The following OSBPL3 variants were observed in gnomAD, a reference collection of about 807,000 sequenced individuals.
The protein encoded by OSBPL3 is oxysterol-binding protein-related protein 3.
A neutral mutation model predicts 120.1 loss-of-function variants in OSBPL3; 65 were observed. The ratio of observed to expected loss-of-function variants is 0.54; its 90% CI spans 0.44 to 0.67. OSBPL3 has a LOEUF of 0.67. Among genes scored for constraint, OSBPL3 ranks in the 30% least tolerant of loss-of-function variants. The pLI, the probability that OSBPL3 is intolerant of heterozygous loss-of-function variation, is 0.00. For synonymous variants in OSBPL3, 416 were observed against 402.6 expected (o/e 1.03, Z -0.40); for missense variants, 1,004 against 1,082.1 (o/e 0.93, Z 1.01).
Position 24,804,467 on chromosome 7 carries a change from G to A in OSBPL3, c.2445-30C>T, listed in dbSNP as rs759660080. On this transcript the variant is annotated intron_variant, in intron 21 of 22. Coordinates refer to ENST00000313367, the MANE Select transcript of OSBPL3 (RefSeq NM_015550.4). This position sits in a 1 kb window ranked among gnomAD's most constrained non-coding sequence, Gnocchi z 5.4. ...GGCATCGAGGAAAAAAAAATGAAAG[G>A]ATATGAATTCAAGAAAACAAAACAA... 2.5e-6 allele frequency: 4 copies of A among 1,603,038 alleles called. No homozygotes were observed. The highest frequency in any genetic ancestry group is 3.4e-5 in the Admixed American group (2 of 59,146).
In OSBPL3 at chr7:24,916,198, G is replaced by A. The variant is rs1809530619; in HGVS notation, c.-149-23577C>T. On this transcript the variant is annotated intron_variant, in intron 1 of 22. Coordinates refer to ENST00000313367, the MANE Select transcript of OSBPL3 (RefSeq NM_015550.4). The surrounding 1 kb of genome is among the most constrained non-coding windows in gnomAD (Gnocchi z 4.9). ...GCTACAGAATTACTTTTCAGAAGAT[G>A]GACAATTTCTTTCCCTTTTGTTAAA... Among the ~76,000 whole-genome samples the A allele has an allele frequency of 6.6e-6, 1 of 152,086 alleles. No homozygotes were observed.
rs999852230 is a variant in OSBPL3, at chr7:24,871,754, C to T, written c.255G>A (p.Lys85=). The T allele has an allele frequency of 6.2e-7, 1 of 1,613,114 alleles. No individual in the cohort carries two copies. Residue 85 remains lysine (K), a synonymous_variant, in exon 4 of 23, where the codon AAG becomes AAA. Transcript: ENST00000313367. This position sits in a 1 kb window ranked among gnomAD's most constrained non-coding sequence, Gnocchi z 4.8. ...YLDKGILKYA[K]SQTDIEREKL... ...CAAAAAGACTTACATCGGTTTGGCT[C>T]TTGGCATATTTCAAGATTCCTTTGT...
Position 24,902,044 on chromosome 7 carries a change from C to A in OSBPL3, c.-149-9423G>T, listed in dbSNP as rs539316574. Among the ~76,000 whole-genome samples, 50 of 152,314 alleles carry A rather than the reference C, an allele frequency of 3.3e-4. 1 individual carries two copies. In the South Asian group the frequency reaches 9.3e-3, roughly 28 times the overall value. The stretch of plus-strand genomic sequence containing the variant: ...GCCAGCCTTACTAAGTTGCTTTAGG[C>A]AAGTTTTTAGTCTCTCTAGATCTCA... On this transcript the variant is annotated intron_variant, in intron 1 of 22. Transcript: ENST00000313367.
Position 24,913,039 on chromosome 7 carries a change from G to A in OSBPL3, c.-149-20418C>T, listed in dbSNP as rs921580644. On this transcript the variant is annotated intron_variant, in intron 1 of 22. Transcript: ENST00000313367. The surrounding 1 kb of genome is among the most constrained non-coding windows in gnomAD (Gnocchi z 5.3). ...GAATGGCGACCGCCTCACCTCAGCC[G>A]ATAACCAGCATCAACCCGCAGACAT... 1.3e-5 allele frequency among the ~76,000 whole-genome samples: 2 copies of A among 152,168 alleles called. No homozygotes were observed. The highest frequency in any genetic ancestry group is 2.1e-4 in the South Asian group (1 of 4,828).
At position 24,883,200 on chromosome 7, in the gene OSBPL3, G is replaced by A. The variant is rs557426641; in HGVS notation, c.96+9177C>T. Among the ~76,000 whole-genome samples, 1 of 152,176 alleles carries A rather than the reference G, an allele frequency of 6.6e-6. No individual in the cohort carries two copies. The highest frequency in any genetic ancestry group is 2.4e-5 in the African/African-American group (1 of 41,438). ...AGGAACAGAGAGGAGGTGATTTAGG[G>A]TGATGTGGGCTTGTGAACAGATGCA... On this transcript the variant is annotated intron_variant, in intron 2 of 22. Transcript: ENST00000313367. The surrounding 1 kb of genome is among the most constrained non-coding windows in gnomAD (Gnocchi z 5.4).
At chr7:24,860,048 A>G (rs1433473295) in intron 10 of OSBPL3, among the ~76,000 whole-genome samples, 1 of 152,162 alleles carries the variant, frequency 6.6e-6, no homozygotes, top group Non-Finnish European at 1.5e-5. Context: ...AAAACGTGGG[A>G]GTTGACATTA....
At chr7:24,814,146 G>A (rs1315650753) in intron 19 of OSBPL3, among the ~76,000 whole-genome samples, 3 of 152,110 alleles carry the variant, frequency 2.0e-5, no homozygotes, top group Non-Finnish European at 2.9e-5. Flanking sequence ...ACAGGATGGG[G>A]CTGGTGATGG....
Position 24,965,845 on chromosome 7 carries a change from C to T in OSBPL3, c.-150+14041G>A, listed in dbSNP as rs1288556331. 5.9e-5 allele frequency among the ~76,000 whole-genome samples: 9 copies of T among 152,196 alleles called. No individual in the cohort carries two copies. The highest frequency in any genetic ancestry group is 4.1e-4 in the South Asian group (2 of 4,836). On this transcript the variant is annotated intron_variant, in intron 1 of 22. Transcript: ENST00000313367. The surrounding 1 kb of genome is among the most constrained non-coding windows in gnomAD (Gnocchi z 4.3). Reference sequence around the variant, plus strand: ...GGATTACAGGCATTAGCCACTGCGACGGACTCAACTCAAGTGTTTTACCAG... The same window carrying T: ...GGATTACAGGCATTAGCCACTGCGATGGACTCAACTCAAGTGTTTTACCAG...
chr7:24,860,204 A>G (rs926195607), intron 10 of OSBPL3, among the ~76,000 whole-genome samples: 3 of 152,180 alleles, frequency 2.0e-5, no homozygotes, highest in African/African-American at 7.2e-5. Context: ...ATTTTTCATC[A>G]CTACAAGATC....
rs764653484 is a variant in OSBPL3 at position 24,861,307 on chromosome 7, T to C, written c.1027+306A>G. Among the ~76,000 whole-genome samples the C allele has an allele frequency of 6.6e-5, 10 of 152,224 alleles. 1 individual carries two copies. The highest frequency in any genetic ancestry group is 1.3e-4 in the Non-Finnish European group (9 of 68,034). The stretch of plus-strand genomic sequence containing the variant: ...TTGCTAGATAGGCAGATTTTAAAAA[T>C]AGTGAGAAAATAATATCATATTGCC... On this transcript the variant is annotated intron_variant, in intron 10 of 22. Transcript: ENST00000313367.
At chr7:24,864,916 T>C (rs1476790537) in intron 7 of OSBPL3, among the ~76,000 whole-genome samples, 2 of 152,310 alleles carry the variant, frequency 1.3e-5, no homozygotes, top group East Asian at 1.9e-4. Flanking sequence ...TGGGTATTAC[T>C]GCATTTTAAA....
chr7:24,840,954 A>G (rs13243145), intron 13 of OSBPL3, among the ~76,000 whole-genome samples, 171 bp from the exon 14 acceptor site: 27,926 of 152,250 alleles, frequency 0.18, 2,727 homozygotes, highest in Non-Finnish European at 0.21. Context: ...TGTTCACAAC[A>G]AACACCTGTT....
rs532271284 is a variant in OSBPL3 at position 24,838,731 on chromosome 7, C to T, written c.1495+1959G>A. On this transcript the variant is annotated intron_variant, in intron 14 of 22. Coordinates refer to ENST00000313367, the MANE Select transcript of OSBPL3 (RefSeq NM_015550.4). ...AGAAATGGAGGACTTCCACATTTGTCAATCCTCCTCATCTACAGTGGGAGC... is the reference window on the plus strand; with the variant it reads ...AGAAATGGAGGACTTCCACATTTGTTAATCCTCCTCATCTACAGTGGGAGC... Among the ~76,000 whole-genome samples the T allele has an allele frequency of 5.3e-5, 8 of 152,328 alleles. No individual in the cohort carries two copies. The South Asian group carries it at 1.7e-3, about 32-fold the overall frequency.
chr7:24,857,073 G>A (rs547945210), intron 10 of OSBPL3, among the ~76,000 whole-genome samples: 1 of 152,234 alleles, frequency 6.6e-6, no homozygotes, highest in East Asian at 1.9e-4. Flanking sequence ...TATGAAAGAG[G>A]TATCATTGTA....
At chr7:24,921,494 C>T (rs1001530594) in intron 1 of OSBPL3, among the ~76,000 whole-genome samples, 4 of 152,174 alleles carry the variant, frequency 2.6e-5, no homozygotes, top group African/African-American at 9.7e-5. Context: ...GTGCCCAGGC[C>T]AGCCCAGAGA....
intron 19 of OSBPL3, among the ~76,000 whole-genome samples, chr7:24,812,020 T>C (rs1212326715): frequency 6.6e-6 from 1 of 152,040 alleles, no homozygotes; most frequent in Non-Finnish European, 1.5e-5. Context: ...GAAGGCTCAG[T>C]TCTTGGACGG....
chr7:24,830,369 T>A lies in OSBPL3; in HGVS notation c.1884+399A>T, dbSNP rs1370879226. Among the ~76,000 whole-genome samples, 1 of 152,200 alleles carries A rather than the reference T, an allele frequency of 6.6e-6. No homozygotes were observed. The highest frequency in any genetic ancestry group is 1.5e-5 in the Non-Finnish European group (1 of 68,034). Reference sequence around the variant, plus strand: ...ATTCCTCTCAAATCAAAATTGAGAATAACGCATTTATCTGGCGCTACCCAC... The same window carrying A: ...ATTCCTCTCAAATCAAAATTGAGAAAAACGCATTTATCTGGCGCTACCCAC... On this transcript the variant is annotated intron_variant, in intron 16 of 22. Coordinates refer to ENST00000313367, the MANE Select transcript of OSBPL3 (RefSeq NM_015550.4). This position sits in a 1 kb window ranked among gnomAD's most constrained non-coding sequence, Gnocchi z 4.4.
Position 24,819,178 on chromosome 7 carries a change from G to A in OSBPL3, c.1948+997C>T, listed in dbSNP as rs918891244. Among the ~76,000 whole-genome samples, 4 of 151,416 alleles carry A rather than the reference G, an allele frequency of 2.6e-5. No individual in the cohort carries two copies. The highest frequency in any genetic ancestry group is 6.6e-5 in the Admixed American group (1 of 15,224). On this transcript the variant is annotated intron_variant, in intron 17 of 22. Coordinates refer to ENST00000313367, the MANE Select transcript of OSBPL3 (RefSeq NM_015550.4). This position sits in a 1 kb window ranked among gnomAD's most constrained non-coding sequence, Gnocchi z 4.1. ...TGAGACAGGAGAATCACTTGAACACGGGAGACGGAGGTTGCAGTGAGCCGA... is the reference window on the plus strand; with the variant it reads ...TGAGACAGGAGAATCACTTGAACACAGGAGACGGAGGTTGCAGTGAGCCGA...
At position 24,898,514 on chromosome 7, in the gene OSBPL3, C is replaced by A. The variant is rs1562901540; in HGVS notation, c.-149-5893G>T. ...AGGCCTAAAGACTCAAATGCTTACT[C>A]TGGCACAATAGAGTATCCATTTCTA... is the stretch of plus-strand genomic sequence containing the variant. On this transcript the variant is annotated intron_variant, in intron 1 of 22. Transcript: ENST00000313367. This position sits in a 1 kb window ranked among gnomAD's most constrained non-coding sequence, Gnocchi z 4.3. Among the ~76,000 whole-genome samples the A allele has an allele frequency of 6.6e-6, 1 of 152,164 alleles. No individual in the cohort carries two copies. Among genetic ancestry groups the A allele is most frequent in the Non-Finnish European group, 1.5e-5 (1 of 68,026 alleles).
Sources: gnomAD v4.1 joint callset for allele counts (sites outside exome capture counted in the v4.1 genomes callset) on GRCh38, gnomAD v4.1.1 for gene constraint, Gnocchi (gnomAD v3.1) non-coding constraint, MANE v1.5 for transcripts, NCBI Gene and HGNC (gene_info 2026-07-23, HGNC 2026-07-21) for gene names.